Variants in SNX20 observed in about 807,000 individuals in gnomAD.
SNX20 encodes the protein sorting nexin 20, also known as sorting nexin-20.
SNX20 carries 21 observed loss-of-function variants against 24.5 expected under a neutral mutation model. That is an observed-to-expected ratio of 0.86 (90% CI 0.61 to 1.23). SNX20 has a LOEUF of 1.23. SNX20 is among the 50% of genes most tolerant of loss of function. The probability of loss-of-function intolerance (pLI) is 0.00; values close to 1 mark genes in which losing one functional copy is unlikely to be tolerated. For synonymous variants in SNX20, 206 were observed against 192.8 expected, an observed-to-expected ratio of 1.07 and a Z score of -0.57; for missense variants, 433 against 430.8, an observed-to-expected ratio of 1.00 and a Z score of -0.04.
chr16:50,667,910 A>G (rs535619519), downstream of SNX20: 1 of 1,169,972 alleles, frequency 8.5e-7, no homozygotes, highest in African/African-American at 1.5e-5. Context: ...TGATCTTACC[A>G]TGGGGGCAAC....
At position 50,674,033 on chromosome 16, in the gene SNX20, G is replaced by T; in HGVS notation, c.324C>A (p.Asn108Lys). 1.9e-6 allele frequency: 3 copies of T among 1,609,538 alleles called. No individual in the cohort carries two copies. The South Asian group carries it at 3.3e-5, about 18-fold the overall frequency. The change falls in exon 4 of 4, where the codon AAC (asparagine) becomes AAA (lysine). Residue 108 changes from asparagine (N) to lysine (K), a missense_variant. Physicochemically the swap from Asn to Lys is moderately conservative, Grantham distance 94 (BLOSUM62 0). Coordinates refer to ENST00000330943, the MANE Select transcript of SNX20 (RefSeq NM_182854.4). ...IIVIQTGSFDNNKAVLERRYS... is the reference protein window; with the variant it reads ...IIVIQTGSFDKNKAVLERRYS... ...AGCGCCGTTCCAGGACGGCCTTGTT[G>T]TTGTCAAAGCTCCCAGTCTGGATGA...
At chr16:50,675,684 G>T in intron 3 of SNX20, 86 bp downstream of exon 3, 1 of 1,536,676 alleles carries the variant, frequency 6.5e-7, no homozygotes, top group Non-Finnish European at 8.8e-7. Flanking sequence ...TTCATAGTTG[G>T]GAAACCTGAG....
chr16:50,666,387 T>C (rs1252566864), exon 4 of SNX20: 1 of 152,370 alleles, frequency 6.6e-6, no homozygotes, highest in African/African-American at 2.4e-5. Context: ...AAAAAGTGTC[T>C]ATGATTCAGA....
intron 1 of SNX20, among the ~76,000 whole-genome samples, chr16:50,679,821 T>TG (rs1226782526): frequency 6.6e-6 from 1 of 152,056 alleles, no homozygotes; most frequent in Non-Finnish European, 1.5e-5. Context: ...CTGGGATTCT[T>TG]GGGGGCCCAG....
chr16:50,678,889 C>G (rs954407701), intron 1 of SNX20, among the ~76,000 whole-genome samples: 1 of 152,178 alleles, frequency 6.6e-6, no homozygotes, highest in African/African-American at 2.4e-5. Context: ...AGGGCCCTGT[C>G]CATCCCAGGG....
At chr16:50,677,256 G>T (rs1348428915) in intron 2 of SNX20, 141 bp downstream of exon 2, 1 of 1,107,288 alleles carries the variant, frequency 9.0e-7, no homozygotes, top group South Asian at 1.8e-5. Context: ...CACTAGATCT[G>T]TGTCTCAGTG....
chr16:50,675,823 G>A lies in SNX20; in HGVS notation c.229C>T (p.Leu77Phe). Reference sequence around the variant, plus strand: ...ATGCGAGCTGAAGCGATCTCAAAGAGCAGTTTGACGTGCTTCCAGCGGCAT... The same window carrying A: ...ATGCGAGCTGAAGCGATCTCAAAGAACAGTTTGACGTGCTTCCAGCGGCAT... Reference protein sequence around the residue: ...QKCRWKHVKLLFEIASARIEE... With the variant: ...QKCRWKHVKLFFEIASARIEE... The change falls in exon 3 of 4, where the codon CTC becomes TTC. Residue 77 changes from leucine to phenylalanine, a missense_variant. Transcript: ENST00000330943. 6.2e-7 allele frequency: 1 copy of A among 1,613,728 alleles called. No individual in the cohort carries two copies. Among genetic ancestry groups the A allele is most frequent in the Non-Finnish European group, 8.5e-7 (1 of 1,179,820 alleles).
chr16:50,668,767 A>G, downstream of SNX20: 1 of 1,193,062 alleles, frequency 8.4e-7, no homozygotes, highest in Non-Finnish European at 1.0e-6. Flanking sequence ...TTGGGAGCCA[A>G]CCTACCCCTA....
At position 50,671,727 on chromosome 16, in the gene SNX20, T is replaced by C. The variant is rs1313046093; in HGVS notation, c.*1679A>G. The C allele has an allele frequency of 6.6e-6, 1 of 152,246 alleles. No individual in the cohort carries two copies. The highest frequency in any genetic ancestry group is 2.4e-5 in the African/African-American group (1 of 41,472). 9.4% of individuals were successfully genotyped at this position (152,246 alleles called of 1,614,324 possible). Reference sequence around the variant, plus strand: ...TTTCAAGAAGTCCAATATCTCTCACTTGAAGTGTCTTTTCCCTGGAGTAGA... The same window carrying C: ...TTTCAAGAAGTCCAATATCTCTCACCTGAAGTGTCTTTTCCCTGGAGTAGA... On this transcript the variant is annotated 3_prime_UTR_variant, in exon 4 of 4. Coordinates refer to ENST00000330943, the MANE Select transcript of SNX20 (RefSeq NM_182854.4).
intron 2 of SNX20, 78 bp downstream of exon 2, chr16:50,677,318 TC>T: frequency 2.8e-6 from 4 of 1,428,778 alleles, no homozygotes; most frequent in Non-Finnish European, 3.7e-6. Flanking sequence ...TCTTGCTGCA[TC>T]CCCCAAAGTG....
At chr16:50,667,797 C>T, downstream of SNX20, 1 of 607,866 alleles carries the variant, frequency 1.6e-6, no homozygotes. Flanking sequence ...CCACAGTCTG[C>T]CCTGAACTGT....
In SNX20 at chr16:50,671,850, T is replaced by A. The variant is rs1019703921; in HGVS notation, c.*1556A>T. 5 of 152,254 alleles carry A rather than the reference T, an allele frequency of 3.3e-5. No individual in the cohort carries two copies. The highest frequency in any genetic ancestry group is 1.2e-4 in the African/African-American group (5 of 41,460). 9.4% of individuals were successfully genotyped at this position (152,254 alleles called of 1,614,324 possible). ...CGTCTACAGTTTTTACCACAAGGTG[T>A]CGCTGTTGAACAGATTCTGGTGCAG... On this transcript the variant is annotated 3_prime_UTR_variant, in exon 4 of 4. Coordinates refer to ENST00000330943, the MANE Select transcript of SNX20 (RefSeq NM_182854.4).
intron 1 of SNX20, among the ~76,000 whole-genome samples, chr16:50,678,629 A>T (rs1963234155): frequency 7.9e-5 from 12 of 152,204 alleles, no homozygotes; most frequent in Admixed American, 7.2e-4. Context: ...GGTGGGCAGG[A>T]TACAGACCCA....
chr16:50,679,079 GT>G (rs1963242815), intron 1 of SNX20, among the ~76,000 whole-genome samples: 2 of 152,128 alleles, frequency 1.3e-5, no homozygotes, highest in African/African-American at 4.8e-5. Flanking sequence ...ATACTGACTG[GT>G]TAGGCATGGA....
At chr16:50,668,764 C>T, downstream of SNX20, 2 of 1,175,852 alleles carry the variant, frequency 1.7e-6, no homozygotes, top group South Asian at 3.4e-5. Context: ...GTGTTGGGAG[C>T]CAACCTACCC....
downstream of SNX20, chr16:50,668,929 C>G: frequency 2.0e-6 from 3 of 1,477,258 alleles, no homozygotes; most frequent in Non-Finnish European, 2.7e-6. Context: ...CTCAGGGAGG[C>G]TAGCGGCCCT....
chr16:50,669,294 C>A (rs374738744), downstream of SNX20: 17 of 595,128 alleles, frequency 2.9e-5, no homozygotes, highest in East Asian at 2.8e-4. Flanking sequence ...AAGCATGGCA[C>A]CAGCATTGCT....
At chr16:50,667,629 A>C (rs1207217108), downstream of SNX20, 4 of 258,690 alleles carry the variant, frequency 1.5e-5, no homozygotes, top group African/African-American at 4.3e-5. Flanking sequence ...GAAAACGAGC[A>C]GCTAGATCAA....
At chr16:50,668,193 C>T (rs1201461717), downstream of SNX20, 3 of 1,503,572 alleles carry the variant, frequency 2.0e-6, no homozygotes, top group South Asian at 3.8e-5. Flanking sequence ...CCCAGATGGT[C>T]TGCAGCAACG....
Sources: gnomAD v4.1 joint callset for allele counts (sites outside exome capture counted in the v4.1 genomes callset) on GRCh38, gnomAD v4.1.1 for gene constraint, MANE v1.5 for transcripts, NCBI Gene and HGNC (gene_info 2026-07-23, HGNC 2026-07-21) for gene names.